Variants in HOGA1 observed in about 807,000 individuals in gnomAD.
HOGA1 encodes 4-hydroxy-2-oxoglutarate aldolase, mitochondrial.
HOGA1 carries 30 observed loss-of-function variants against 34.3 expected under a neutral mutation model. That is an observed-to-expected ratio of 0.87 (90% confidence interval 0.65 to 1.19). HOGA1 has a LOEUF of 1.19. Ranked by LOEUF, HOGA1 falls within the 50% of genes most tolerant of loss-of-function variation. The probability of loss-of-function intolerance (pLI) is 0.00; values close to 1 mark genes in which losing one functional copy is unlikely to be tolerated. For synonymous variants in HOGA1, 161 were observed against 174.0 expected (o/e 0.93, Z 0.59); for missense variants, 417 against 436.5 (o/e 0.96, Z 0.40).
At chr10:97,585,221 C>T (rs537401733) in intron 1 of HOGA1, among the ~76,000 whole-genome samples, 67 of 152,306 alleles carry the variant, frequency 4.4e-4, no homozygotes, top group African/African-American at 1.5e-3. Flanking sequence ...GCGTGAAAGT[C>T]CTTGTCAACC....
intron 6 of HOGA1, among the ~76,000 whole-genome samples, chr10:97,602,960 G>A (rs973314678): frequency 6.6e-6 from 1 of 152,104 alleles, no homozygotes; most frequent in African/African-American, 2.4e-5. Context: ...CCAAAGTGCT[G>A]GGATTACAGG....
At chr10:97,593,288 C>T (rs1361332441) in intron 1 of HOGA1, among the ~76,000 whole-genome samples, 2 of 151,974 alleles carry the variant, frequency 1.3e-5, no homozygotes, top group African/African-American at 4.8e-5. Flanking sequence ...CCAGCCTGGC[C>T]AACATGGTGA....
intron 1 of HOGA1, among the ~76,000 whole-genome samples, chr10:97,592,386 G>A (rs61863284): frequency 0.034 from 5,186 of 150,876 alleles, 148 homozygotes; most frequent in Middle Eastern, 0.093. Flanking sequence ...GACTACAGGC[G>A]CCCGCCACCA....
chr10:97,590,052 A>G (rs753536393), intron 1 of HOGA1: 9 of 1,614,158 alleles, frequency 5.6e-6, no homozygotes, highest in Non-Finnish European at 7.6e-6. Flanking sequence ...CTCGACAACA[A>G]TGCCAGCGCT....
chr10:97,598,985 C>T (rs2041094059), intron 2 of HOGA1, 82 bp downstream of exon 2: 3 of 1,608,296 alleles, frequency 1.9e-6, no homozygotes, highest in African/African-American at 2.7e-5. Flanking sequence ...GTCCTGTCTC[C>T]TTGTTCTGCC....
chr10:97,589,863 T>TGG, intron 1 of HOGA1: 2 of 1,555,446 alleles, frequency 1.3e-6, no homozygotes, highest in South Asian at 2.3e-5. Context: ...AAGGTGGTGC[T>TGG]GGGGACTGCC....
Position 97,601,998 on chromosome 10 carries a change from A to G in HOGA1, c.834+8A>G, listed in dbSNP as rs924656334. ...ATTGAGCCAAACGCTGCGGTGAGCC[A>G]GTGGCAGCGGGGGCGCGGCCTGGCG... On this transcript the variant is annotated splice_region_variant and intron_variant, in intron 6 of 6. Coordinates refer to ENST00000370646, the MANE Select transcript of HOGA1 (RefSeq NM_138413.4). 4 of 1,610,096 alleles carry G rather than the reference A, an allele frequency of 2.5e-6. No individual in the cohort carries two copies. The African/African-American group carries it at 4.0e-5, about 16-fold the overall frequency.
chr10:97,604,457 G>A (rs2041142624), intron 6 of HOGA1, among the ~76,000 whole-genome samples: 2 of 152,094 alleles, frequency 1.3e-5, no homozygotes, highest in Non-Finnish European at 2.9e-5. Flanking sequence ...AAGTAGCTGG[G>A]ACAACAGGTG....
At chr10:97,591,597 T>C (rs1465735997) in intron 1 of HOGA1, among the ~76,000 whole-genome samples, 1 of 151,990 alleles carries the variant, frequency 6.6e-6, no homozygotes, top group African/African-American at 2.4e-5. Context: ...TGGGTTCTTT[T>C]TTTTCTTTTC....
intron 5 of HOGA1, among the ~76,000 whole-genome samples, chr10:97,601,461 G>C (rs749449673): frequency 1.3e-5 from 2 of 152,172 alleles, no homozygotes; most frequent in African/African-American, 4.8e-5. Flanking sequence ...TTTCAAAAGA[G>C]CAAAGGCTTC....
rs968019440 is a variant in HOGA1, at chr10:97,603,616, T to C, written c.834+1626T>C. Among the ~76,000 whole-genome samples the C allele has an allele frequency of 6.6e-6, 1 of 152,012 alleles. No homozygotes were observed. Among genetic ancestry groups the C allele is most frequent in the Admixed American group, 6.6e-5 (1 of 15,244 alleles). ...GTTTCACTCTGTGCCCAGGCTGGAG[T>C]GCAGTGGCACAATATTGGCTCACTG... On this transcript the variant is annotated intron_variant, in intron 6 of 6. Coordinates refer to ENST00000370646, the MANE Select transcript of HOGA1 (RefSeq NM_138413.4). The surrounding 1 kb of genome is among the most constrained non-coding windows in gnomAD (Gnocchi z 4.5).
chr10:97,602,427 G>A (rs1384675109), intron 6 of HOGA1: 3 of 985,262 alleles, frequency 3.0e-6, no homozygotes, highest in Non-Finnish European at 3.6e-6. Context: ...TTAGAAGGCA[G>A]GAGAGTGTTG....
At chr10:97,608,526 T>C (rs904957450) in intron 6 of HOGA1, among the ~76,000 whole-genome samples, 1 of 151,492 alleles carries the variant, frequency 6.6e-6, no homozygotes, top group African/African-American at 2.4e-5. Context: ...TTATTTTGGC[T>C]GGGCACGGTG....
intron 1 of HOGA1, among the ~76,000 whole-genome samples, chr10:97,585,414 C>G (rs1313990902): frequency 6.6e-6 from 1 of 152,226 alleles, no homozygotes; most frequent in East Asian, 1.9e-4. Context: ...GACCCCATCT[C>G]TCTTTACACA....
chr10:97,611,647 C>CGGCT lies in HOGA1; in HGVS notation c.977_980dup (p.Ter328AlafsTer24). 1 of 1,613,466 alleles carries CGGCT rather than the reference C, an allele frequency of 6.2e-7. No individual in the cohort carries two copies. The highest frequency in any genetic ancestry group is 8.5e-7 in the Non-Finnish European group (1 of 1,179,962). On this transcript the variant is annotated frameshift_variant, in exon 7 of 7. Coordinates refer to ENST00000370646, the MANE Select transcript of HOGA1 (RefSeq NM_138413.4). LOFTEE classifies it high-confidence loss of function. ...CACTGCGCATGGATTTCACCAGCAACGGCTGGCTCTGAGGGCAGGCAGGGT... is the reference window on the plus strand; with the variant it reads ...CACTGCGCATGGATTTCACCAGCAACGGCTGGCTGGCTCTGAGGGCAGGCAGGGT...
intron 1 of HOGA1, among the ~76,000 whole-genome samples, chr10:97,597,745 C>T (rs990019700): frequency 6.6e-6 from 1 of 152,020 alleles, no homozygotes; most frequent in Non-Finnish European, 1.5e-5. Flanking sequence ...CACCTGGGCC[C>T]AGGAATTCGA....
At chr10:97,602,769 C>T (rs904384894) in intron 6 of HOGA1, 3 of 192,768 alleles carry the variant, frequency 1.6e-5, no homozygotes, top group African/African-American at 7.1e-5. Flanking sequence ...CAACCTCTGC[C>T]TCCCAGGTTC....
At position 97,601,985 on chromosome 10, in the gene HOGA1, G is replaced by A. The variant is rs367707918; in HGVS notation, c.829G>A (p.Ala277Thr). ...KLQHRLIEPN[A>T]AVTRRFGIPG... Reference sequence around the variant, plus strand: ...GCAGCACCGCCTCATTGAGCCAAACGCTGCGGTGAGCCAGTGGCAGCGGGG... The same window carrying A: ...GCAGCACCGCCTCATTGAGCCAAACACTGCGGTGAGCCAGTGGCAGCGGGG... The change falls in exon 6 of 7, where the codon GCT becomes ACT. Residue 277 changes from alanine (A) to threonine (T), a missense_variant. Coordinates refer to ENST00000370646, the MANE Select transcript of HOGA1 (RefSeq NM_138413.4). 55 of 1,611,576 alleles carry A rather than the reference G, an allele frequency of 3.4e-5. No individual in the cohort carries two copies. The African/African-American group carries it at 6.3e-4, about 18-fold the overall frequency.
intron 6 of HOGA1, among the ~76,000 whole-genome samples, chr10:97,606,522 T>G (rs1448461594): frequency 1.3e-5 from 2 of 152,184 alleles, no homozygotes; most frequent in Non-Finnish European, 2.9e-5. Context: ...CTTTCCTCCA[T>G]TGAACTGCTT....
Sources: gnomAD v4.1 joint callset for allele counts (sites outside exome capture counted in the v4.1 genomes callset) on GRCh38, gnomAD v4.1.1 for gene constraint, Gnocchi (gnomAD v3.1) non-coding constraint, MANE v1.5 for transcripts, NCBI Gene and HGNC (gene_info 2026-07-23, HGNC 2026-07-21) for gene names.